ABCF1: variants seen among roughly 807,000 people sequenced by gnomAD.
The protein encoded by ABCF1 is ATP-binding cassette sub-family F member 1.
A neutral mutation model predicts 126.3 loss-of-function variants in ABCF1; 73 were observed. The ratio of observed to expected loss-of-function variants is 0.58; its 90% CI spans 0.48 to 0.70. The LOEUF is 0.70. Among genes scored for constraint, ABCF1 ranks in the 30% least tolerant of loss-of-function variants. The pLI is 0.00. For missense variants in ABCF1, 786 were observed against 1,057.5 expected, an observed-to-expected ratio of 0.74 and a Z score of 3.56; for synonymous variants, 345 against 396.4, an observed-to-expected ratio of 0.87 and a Z score of 1.54.
chr6:30,577,667 C>T, intron 2 of ABCF1, 151 bp from the exon 3 acceptor site: 3 of 937,264 alleles, frequency 3.2e-6, no homozygotes, highest in Non-Finnish European at 4.9e-6. Context: ...GAGACCTGCA[C>T]ACTCCATTCT....
chr6:30,579,455 A>AT (rs9281009), intron 6 of ABCF1, among the ~76,000 whole-genome samples: 55,580 of 112,144 alleles, frequency 0.5, 14,843 homozygotes, highest in South Asian at 0.59. Context: ...AGTTGGAACT[A>AT]TTTTTTTTTT....
Position 30,589,987 on chromosome 6 carries a change from G to A in ABCF1, c.2233+13G>A, listed in dbSNP as rs1802357694. ...TGCAAACTCTCTGGTACCACTTCAG[G>A]GGCCAGGGAGGGTGCCCTTCACCTT... is the stretch of plus-strand genomic sequence containing the variant. On this transcript the variant is annotated intron_variant, in intron 22 of 24. Transcript: ENST00000326195. 3 of 1,611,028 alleles carry A rather than the reference G, an allele frequency of 1.9e-6. No homozygotes were observed. In the South Asian group the frequency reaches 3.3e-5, roughly 18 times the overall value.
Position 30,590,734 on chromosome 6 carries a change from A to G in ABCF1, c.*33A>G, listed in dbSNP as rs779049073. On this transcript the variant is annotated 3_prime_UTR_variant, in exon 25 of 25. Transcript: ENST00000326195. Reference sequence around the variant, plus strand: ...TTCCCAGAAGTCTCCCGAGAGACATATTTGTGTGGCCTAGAAGTCCTCTGT... The same window carrying G: ...TTCCCAGAAGTCTCCCGAGAGACATGTTTGTGTGGCCTAGAAGTCCTCTGT... 1 of 1,579,534 alleles carries G rather than the reference A, an allele frequency of 6.3e-7. No individual in the cohort carries two copies. The highest frequency in any genetic ancestry group is 8.6e-7 in the Non-Finnish European group (1 of 1,163,406).
chr6:30,571,689 T>A, intron 1 of ABCF1, 129 bp downstream of exon 1: 1 of 1,048,954 alleles, frequency 9.5e-7, no homozygotes, highest in Non-Finnish European at 1.4e-6. Context: ...ATGCGTGCCG[T>A]GGGCCCGGGA....
intron 22 of ABCF1, 25 bp downstream of exon 22, chr6:30,589,999 G>A: frequency 1.2e-6 from 2 of 1,610,354 alleles, no homozygotes; most frequent in Non-Finnish European, 1.7e-6. Flanking sequence ...GCCAGGGAGG[G>A]TGCCCTTCAC....
At position 30,589,993 on chromosome 6, in the gene ABCF1, G is replaced by T. The variant is rs1315486075; in HGVS notation, c.2233+19G>T. 4.3e-6 allele frequency: 7 copies of T among 1,611,018 alleles called. No individual in the cohort carries two copies. In the South Asian group the frequency reaches 7.7e-5, roughly 18 times the overall value. ...CTCTCTGGTACCACTTCAGGGGCCA[G>T]GGAGGGTGCCCTTCACCTTATCATT... On this transcript the variant is annotated intron_variant, in intron 22 of 24. Coordinates refer to ENST00000326195, the MANE Select transcript of ABCF1 (RefSeq NM_001025091.2).
At chr6:30,587,727 T>C (rs553101193) in intron 20 of ABCF1, among the ~76,000 whole-genome samples, 3 of 151,388 alleles carry the variant, frequency 2.0e-5, no homozygotes, top group Non-Finnish European at 2.9e-5. Flanking sequence ...TGCACGACTG[T>C]AGTCCCAGCT....
At position 30,577,816 on chromosome 6, in the gene ABCF1, A is replaced by C; in HGVS notation, c.121-2A>C. The C allele has an allele frequency of 6.2e-7, 1 of 1,613,540 alleles. No homozygotes were observed. Among genetic ancestry groups the C allele is most frequent in the South Asian group, 1.1e-5 (1 of 91,080 alleles). Reference sequence around the variant, plus strand: ...TTACCTGTAGCTTAACTCCCTTTATAGTTCTTTGAAGAGCTGGCAGTAGAA... The same window carrying C: ...TTACCTGTAGCTTAACTCCCTTTATCGTTCTTTGAAGAGCTGGCAGTAGAA... On this transcript the variant is annotated splice_acceptor_variant, in intron 2 of 24. Coordinates refer to ENST00000326195, the MANE Select transcript of ABCF1 (RefSeq NM_001025091.2). LOFTEE classifies it high-confidence loss of function.
intron 24 of ABCF1, 33 bp downstream of exon 24, chr6:30,590,411 C>T (rs1287627214): frequency 6.3e-7 from 1 of 1,589,870 alleles, no homozygotes; most frequent in Non-Finnish European, 8.6e-7. Context: ...CTCATCCCTG[C>T]TCCATGGGGA....
rs1256706778 is a variant in ABCF1 at position 30,586,390 on chromosome 6, G to T, written c.1886-84G>T. 1 of 1,606,114 alleles carries T rather than the reference G, an allele frequency of 6.2e-7. No homozygotes were observed. On this transcript the variant is annotated intron_variant, in intron 18 of 24. Transcript: ENST00000326195. This position sits in a 1 kb window ranked among gnomAD's most constrained non-coding sequence, Gnocchi z 4.9. ...TAAATTCTCCACCAAGGCTGAGATT[G>T]CTCCTGTTCTCCAAGGCCAGCACAT...
chr6:30,590,516 T>G lies in ABCF1; in HGVS notation c.2372-19T>G. 2.5e-6 allele frequency: 4 copies of G among 1,604,204 alleles called. No individual in the cohort carries two copies. The highest frequency in any genetic ancestry group is 1.7e-6 in the Non-Finnish European group (2 of 1,175,626). ...TCTCCTTTCTTCCTGCCCTCTGTTGTTGCTATCTTTCTTCAAAGCTGTGAT... is the reference window on the plus strand; with the variant it reads ...TCTCCTTTCTTCCTGCCCTCTGTTGGTGCTATCTTTCTTCAAAGCTGTGAT... On this transcript the variant is annotated intron_variant, in intron 24 of 24. Coordinates refer to ENST00000326195, the MANE Select transcript of ABCF1 (RefSeq NM_001025091.2).
Position 30,590,641 on chromosome 6 carries a change from C to A in ABCF1, c.2478C>A (p.Asp826Glu), listed in dbSNP as rs1343134971. The change falls in exon 25 of 25, where the codon GAC becomes GAA. Residue 826 changes from aspartate (D) to glutamate (E), a missense_variant. Physicochemically the swap from Asp to Glu is conservative, Grantham distance 45 (BLOSUM62 2). Coordinates refer to ENST00000326195, the MANE Select transcript of ABCF1 (RefSeq NM_001025091.2). ...SVSQIDGDFE[D>E]YKREVLEALG... ...GCCAAATCGATGGTGACTTTGAAGACTACAAGCGGGAGGTGTTGGAGGCCC... is the reference window on the plus strand; with the variant it reads ...GCCAAATCGATGGTGACTTTGAAGAATACAAGCGGGAGGTGTTGGAGGCCC... 2 of 1,612,888 alleles carry A rather than the reference C, an allele frequency of 1.2e-6. No individual in the cohort carries two copies. The highest frequency in any genetic ancestry group is 1.7e-6 in the Non-Finnish European group (2 of 1,180,018).
rs779501780 is a variant in ABCF1, at chr6:30,584,257, C to T, written c.1168C>T (p.Leu390=). The change falls in exon 13 of 25, where the codon CTG becomes TTG. Residue 390 remains leucine, a synonymous_variant. Transcript: ENST00000326195. The surrounding 1 kb of genome is among the most constrained non-coding windows in gnomAD (Gnocchi z 4.6). ...TCGAGCTGACACCAAGCGATTGAAG[C>T]TGCTGGAAGAGGAGCGGCGGCTTCA... ...VLRADTKRLK[L]LEEERRLQGQ... 2.5e-6 allele frequency: 4 copies of T among 1,613,028 alleles called. No homozygotes were observed. The African/African-American group carries it at 5.3e-5, about 22-fold the overall frequency.
chr6:30,589,646 T>C (rs1391177682), intron 20 of ABCF1, 42 bp from the exon 21 acceptor site: 4 of 1,611,770 alleles, frequency 2.5e-6, no homozygotes, highest in Non-Finnish European at 2.5e-6. Context: ...GCAGCACCTT[T>C]TTCCCTTGCC....
At chr6:30,585,522 C>G in intron 15 of ABCF1, 36 bp from the exon 16 acceptor site, 1 of 1,612,444 alleles carries the variant, frequency 6.2e-7, no homozygotes, top group South Asian at 1.1e-5. Context: ...CTCACTTGAC[C>G]ACTGTGACAC....
intron 15 of ABCF1, 102 bp from the exon 16 acceptor site, chr6:30,585,456 C>A: frequency 6.3e-7 from 1 of 1,584,110 alleles, no homozygotes; most frequent in Non-Finnish European, 8.7e-7. Context: ...GAGCTCTATT[C>A]AGACCCCCCT....
In ABCF1 at chr6:30,579,127, C is replaced by T. The variant is rs765479936; in HGVS notation, c.489+550C>T. ...TGCTCTTCTACTTGTGACTCTTCTG[C>T]GTGTGCATCTTAGTCCATGTCCATT... On this transcript the variant is annotated intron_variant, in intron 6 of 24. Coordinates refer to ENST00000326195, the MANE Select transcript of ABCF1 (RefSeq NM_001025091.2). Among the ~76,000 whole-genome samples, 32 of 152,164 alleles carry T rather than the reference C, an allele frequency of 2.1e-4. 1 individual carries two copies. Among genetic ancestry groups the T allele is most frequent in the Non-Finnish European group, 3.4e-4 (23 of 68,026 alleles).
chr6:30,579,678 G>A (rs1225952554), intron 6 of ABCF1, among the ~76,000 whole-genome samples: 7 of 152,044 alleles, frequency 4.6e-5, no homozygotes, highest in African/African-American at 1.4e-4. Context: ...GGATGGTCTC[G>A]ATCTCTTGAC....
At chr6:30,590,490 TTC>T (rs1489433039) in intron 24 of ABCF1, 43 bp from the exon 25 acceptor site, 17 of 1,588,112 alleles carry the variant, frequency 1.1e-5, no homozygotes, top group Non-Finnish European at 1.5e-5. Context: ...ATTCCCCTCT[TTC>T]TCCTTTCTTC....
Sources: gnomAD v4.1 joint callset for allele counts (sites outside exome capture counted in the v4.1 genomes callset) on GRCh38, gnomAD v4.1.1 for gene constraint, Gnocchi (gnomAD v3.1) non-coding constraint, MANE v1.5 for transcripts, NCBI Gene and HGNC (gene_info 2026-07-23, HGNC 2026-07-21) for gene names.